The following SORCS1 variants were observed in gnomAD, a reference collection of about 807,000 sequenced individuals.
SORCS1 encodes VPS10 domain-containing receptor SorCS1.
Under a neutral mutation model 146.1 loss-of-function variants are expected in SORCS1, and 60 were observed. That is an observed-to-expected ratio of 0.41 (90% CI 0.33 to 0.51). The LOEUF is 0.51. Among genes scored for constraint, SORCS1 ranks in the 20% least tolerant of loss-of-function variants. The pLI, the probability that SORCS1 is intolerant of heterozygous loss-of-function variation, is 0.21. For missense variants in SORCS1, 1,352 were observed against 1,487.6 expected, an observed-to-expected ratio of 0.91 and a Z score of 1.50; for synonymous variants, 637 against 584.0, an observed-to-expected ratio of 1.09 and a Z score of -1.31.
intron 18 of SORCS1, among the ~76,000 whole-genome samples, chr10:106,640,533 A>AGATTTAATTATCTTCCT (rs1296433044): frequency 1.3e-5 from 2 of 152,264 alleles, no homozygotes; most frequent in African/African-American, 4.8e-5. Flanking sequence ...TGCTTAAAAC[A>AGATTTAATTATCTTCCT]GATTTAATTA....
At chr10:106,918,736 GA>G (rs1198658126) in intron 2 of SORCS1, among the ~76,000 whole-genome samples, 1 of 152,166 alleles carries the variant, frequency 6.6e-6, no homozygotes, top group Non-Finnish European at 1.5e-5. Context: ...AGGCAAGGCT[GA>G]AAAAGTTTTA....
intron 1 of SORCS1, among the ~76,000 whole-genome samples, chr10:107,022,561 G>A (rs1958196720): frequency 6.6e-6 from 1 of 151,944 alleles, no homozygotes; most frequent in Non-Finnish European, 1.5e-5. Flanking sequence ...ATCTCCTACA[G>A]TCATTAGCAT....
intron 5 of SORCS1, among the ~76,000 whole-genome samples, chr10:106,742,285 A>G (rs960616002): frequency 6.6e-6 from 1 of 152,228 alleles, no homozygotes; most frequent in African/African-American, 2.4e-5. Context: ...ATGTCTACAT[A>G]TACATACTGA....
intron 5 of SORCS1, 63 bp from the exon 6 acceptor site, chr10:106,730,177 G>T: frequency 2.0e-6 from 3 of 1,480,520 alleles, no homozygotes; most frequent in Non-Finnish European, 2.8e-6. Flanking sequence ...TGCCTTAGTG[G>T]AACTCGGCAG....
intron 2 of SORCS1, among the ~76,000 whole-genome samples, chr10:106,930,649 G>C (rs564286450): frequency 6.6e-6 from 1 of 152,270 alleles, no homozygotes; most frequent in African/African-American, 2.4e-5. Context: ...CTTGAATCAG[G>C]TGCATTCTGT....
chr10:107,016,287 C>T (rs934772974), intron 1 of SORCS1, among the ~76,000 whole-genome samples: 2 of 152,146 alleles, frequency 1.3e-5, no homozygotes, highest in African/African-American at 4.8e-5. Context: ...CAACTGGATA[C>T]GTCCATATGG....
intron 4 of SORCS1, among the ~76,000 whole-genome samples, chr10:106,763,342 TCTGGAGC>T (rs1859297120): frequency 6.6e-6 from 1 of 152,198 alleles, no homozygotes; most frequent in Non-Finnish European, 1.5e-5. Flanking sequence ...TAAGCTTGAA[TCTGGAGC>T]CTGTGGACCA....
intron 1 of SORCS1, among the ~76,000 whole-genome samples, chr10:107,032,667 G>C (rs1047818861): frequency 1.2e-4 from 19 of 152,286 alleles, no homozygotes; most frequent in African/African-American, 4.6e-4. Flanking sequence ...CCAGAAAAGA[G>C]GGGTCTTGTG....
chr10:106,648,415 T>G (rs999256835), intron 18 of SORCS1, among the ~76,000 whole-genome samples: 1 of 152,186 alleles, frequency 6.6e-6, no homozygotes, highest in Non-Finnish European at 1.5e-5. Flanking sequence ...TAAACTACTT[T>G]AACTCCACTT....
intron 1 of SORCS1, among the ~76,000 whole-genome samples, chr10:107,113,540 A>G (rs558994553): frequency 1.3e-5 from 2 of 152,044 alleles, no homozygotes; most frequent in Admixed American, 6.5e-5. Context: ...AAATACAAAA[A>G]TTAGCCCGGC....
chr10:106,924,707 G>T (rs183914266), intron 2 of SORCS1, among the ~76,000 whole-genome samples: 1 of 147,548 alleles, frequency 6.8e-6, no homozygotes, highest in Admixed American at 6.8e-5. Flanking sequence ...CTGAGAAACA[G>T]ATGAACAGGG....
chr10:107,122,486 G>A (rs886336767), intron 1 of SORCS1, among the ~76,000 whole-genome samples: 9 of 152,168 alleles, frequency 5.9e-5, no homozygotes, highest in African/African-American at 2.2e-4. Context: ...AAAATAGCAT[G>A]GCATTTGAGT....
At chr10:106,856,926 T>C (rs1949809052) in intron 2 of SORCS1, among the ~76,000 whole-genome samples, 1 of 152,246 alleles carries the variant, frequency 6.6e-6, no homozygotes, top group African/African-American at 2.4e-5. Flanking sequence ...ACTTGTAGGA[T>C]GATCTGAACA....
rs763072048 is a variant in SORCS1, at chr10:106,597,408, G to A, written c.3208C>T (p.His1070Tyr). The change falls in exon 24 of 26, where the codon CAC becomes TAC. Residue 1070 changes from histidine to tyrosine, a missense_variant. Physicochemically the swap from His to Tyr is moderately conservative, Grantham distance 83. Transcript: ENST00000263054. Reference protein sequence around the residue: ...LIHTLNQNSVHFELKPGVRVL... With the variant: ...LIHTLNQNSVYFELKPGVRVL... The stretch of plus-strand genomic sequence containing the variant: ...CGGACTCCTGGCTTCAGCTCGAAGT[G>A]TACTGAGTTTTGGTTGAGCGTGTGG... The A allele has an allele frequency of 6.8e-6, 11 of 1,613,998 alleles. No individual in the cohort carries two copies. The South Asian group carries it at 7.7e-5, about 11-fold the overall frequency.
At chr10:106,931,448 A>C (rs1953411150) in intron 2 of SORCS1, among the ~76,000 whole-genome samples, 1 of 152,228 alleles carries the variant, frequency 6.6e-6, no homozygotes, top group African/African-American at 2.4e-5. Context: ...AGAGCATGGA[A>C]GCGGGTGGGG....
At chr10:107,110,366 C>T (rs1965610804) in intron 1 of SORCS1, among the ~76,000 whole-genome samples, 1 of 152,152 alleles carries the variant, frequency 6.6e-6, no homozygotes, top group Non-Finnish European at 1.5e-5. Flanking sequence ...GCTCACAGTT[C>T]TTCATGCTTA....
Position 106,594,060 on chromosome 10 carries a change from C to T in SORCS1, c.3265+3291G>A, listed in dbSNP as rs535813683. Among the ~76,000 whole-genome samples the T allele has an allele frequency of 7.9e-5, 12 of 152,352 alleles. No homozygotes were observed. In the South Asian group the frequency reaches 2.5e-3, roughly 32 times the overall value. On this transcript the variant is annotated intron_variant, in intron 24 of 25. Transcript: ENST00000263054. ...TATCATGGTTATCAGGAATTGACTT[C>T]CCTTCCCACATGGAGCTATAAATCC... is the stretch of plus-strand genomic sequence containing the variant.
intron 19 of SORCS1, among the ~76,000 whole-genome samples, chr10:106,626,103 A>G (rs965562323): frequency 1.3e-5 from 2 of 151,922 alleles, no homozygotes; most frequent in African/African-American, 4.8e-5. Context: ...TTTTTTTTCA[A>G]ACCCTCTGGT....
At position 106,630,991 on chromosome 10, in the gene SORCS1, C is replaced by G. The variant is rs551102369; in HGVS notation, c.2476-1603G>C. On this transcript the variant is annotated intron_variant, in intron 18 of 25. Coordinates refer to ENST00000263054, the MANE Select transcript of SORCS1 (RefSeq NM_052918.5). ...TTTTGTTGTTGTTGTTAGCCTTTCC[C>G]ACTTTCAGGAAAGAAAAAAACAAAA... Among the ~76,000 whole-genome samples the G allele has an allele frequency of 3.3e-5, 5 of 152,286 alleles. No individual in the cohort carries two copies. In the South Asian group the frequency reaches 1.0e-3, roughly 32 times the overall value.
Sources: allele counts gnomAD v4.1 joint callset (sites outside exome capture counted in the v4.1 genomes callset), GRCh38; gene constraint gnomAD v4.1.1; transcripts MANE v1.5; gene names NCBI Gene and HGNC (gene_info 2026-07-23, HGNC 2026-07-21).